LRRC74B: variants seen among roughly 807,000 people sequenced by gnomAD.
LRRC74B encodes the protein leucine-rich repeat-containing protein 74B.
In LRRC74B, 30 loss-of-function variants were observed where a neutral mutation model predicts 16.6. The ratio of observed to expected loss-of-function variants is 1.80; its 90% CI spans 1.35 to 2.45. LRRC74B has a LOEUF of 2.45. Ranked by LOEUF, LRRC74B falls within the 30% of genes most tolerant of loss-of-function variation. The pLI is 0.00. For synonymous variants in LRRC74B, 134 were observed against 86.0 expected, an observed-to-expected ratio of 1.56 and a Z score of -3.09; for missense variants, 326 against 202.4, an observed-to-expected ratio of 1.61 and a Z score of -3.71.
intron 7 of LRRC74B, chr22:21,056,525 G>A (rs965952254): frequency 2.7e-5 from 4 of 149,736 alleles, no homozygotes; most frequent in African/African-American, 9.9e-5. Flanking sequence ...AAGTAACATA[G>A]CATGTCATGG....
At chr22:21,051,228 G>A (rs909165018) in intron 4 of LRRC74B, among the ~76,000 whole-genome samples, 8 of 152,190 alleles carry the variant, frequency 5.3e-5, no homozygotes, top group African/African-American at 1.7e-4. Flanking sequence ...GTACTGTGAT[G>A]TGCAGCTGGT....
chr22:21,055,106 G>A (rs1238275358), exon 7 of LRRC74B: 2 of 717,176 alleles, frequency 2.8e-6, no homozygotes, highest in Admixed American at 2.0e-5. Context: ...AGTAACAACC[G>A]CATCTCTGCG....
chr22:21,060,581 A>C, downstream of LRRC74B: 1 of 670,436 alleles, frequency 1.5e-6, no homozygotes. Flanking sequence ...CTCCAGGGTG[A>C]GGAGCTCTTT....
At chr22:21,058,762 A>C (rs1055486741) in intron 8 of LRRC74B, among the ~76,000 whole-genome samples, 1 of 152,214 alleles carries the variant, frequency 6.6e-6, no homozygotes, top group African/African-American at 2.4e-5. Flanking sequence ...ATTCTAAAAG[A>C]AATAGAATGT....
intron 7 of LRRC74B, 119 bp downstream of exon 7, chr22:21,055,295 A>T: frequency 1.6e-6 from 1 of 629,116 alleles, no homozygotes; most frequent in Non-Finnish European, 2.9e-6. Context: ...AGGCTGGCTC[A>T]CTCCCTTGCC....
chr22:21,047,868 G>C lies in LRRC74B; in HGVS notation c.283-16G>C. ...AGCCAGGATAGTGGCCAGTGTGTTTGCTCTGTCTGTCCCAGGGCGCCCGGG... is the reference window on the plus strand; with the variant it reads ...AGCCAGGATAGTGGCCAGTGTGTTTCCTCTGTCTGTCCCAGGGCGCCCGGG... On this transcript the variant is annotated splice_polypyrimidine_tract_variant and intron_variant, in intron 2 of 8. Transcript: ENST00000442047. 1.4e-6 allele frequency: 1 copy of C among 717,034 alleles called. No homozygotes were observed. The highest frequency in any genetic ancestry group is 2.6e-6 in the Non-Finnish European group (1 of 385,014). The allele number at this position is 717,034 out of a possible 1,614,324, so 44.4% of individuals were successfully genotyped here.
downstream of LRRC74B, among the ~76,000 whole-genome samples, chr22:21,060,971 A>G (rs1377044798): frequency 6.6e-6 from 1 of 152,184 alleles, no homozygotes; most frequent in East Asian, 1.9e-4. Flanking sequence ...GCCCTTTGAT[A>G]CAATCATTTG....
chr22:21,058,708 A>G (rs1930668899), intron 8 of LRRC74B, among the ~76,000 whole-genome samples: 1 of 152,120 alleles, frequency 6.6e-6, no homozygotes. Context: ...TGCCTTAACC[A>G]TGTGCCTGCT....
chr22:21,058,052 A>AT (rs538672719), intron 8 of LRRC74B, among the ~76,000 whole-genome samples: 13,574 of 133,994 alleles, frequency 0.1, 698 homozygotes, highest in African/African-American at 0.12. Flanking sequence ...CGCCCGGCTG[A>AT]TTTTTTTTTT....
At chr22:21,047,862 G>A (rs766211935) in intron 2 of LRRC74B, 22 bp from the exon 3 acceptor site, 33 of 716,798 alleles carry the variant, frequency 4.6e-5, no homozygotes, top group Non-Finnish European at 8.3e-5. Flanking sequence ...AGTGGCCAGT[G>A]TGTTTGCTCT....
chr22:21,049,972 G>A (rs1170920326), intron 4 of LRRC74B, among the ~76,000 whole-genome samples: 1 of 152,184 alleles, frequency 6.6e-6, no homozygotes, highest in Non-Finnish European at 1.5e-5. Flanking sequence ...TGGACCTGCT[G>A]AACCAAACTC....
At position 21,055,568 on chromosome 22, in the gene LRRC74B, C is replaced by T. The variant is rs1051674828; in HGVS notation, c.927+392C>T. 9.2e-5 allele frequency among the ~76,000 whole-genome samples: 14 copies of T among 152,268 alleles called. No homozygotes were observed. The South Asian group carries it at 1.0e-3, about 11-fold the overall frequency. ...GTGTTCCCAGCTGGGGTTCCTTCCC[C>T]TGGGTTTGCAGGTGGGGAGGGAGTG... On this transcript the variant is annotated intron_variant, in intron 7 of 8. Transcript: ENST00000442047.
At chr22:21,048,305 A>G (rs574318675) in intron 3 of LRRC74B, 2 of 418,740 alleles carry the variant, frequency 4.8e-6, no homozygotes, top group South Asian at 2.4e-5. Flanking sequence ...CAGTACCTGA[A>G]TGCAGGATGG....
exon 7 of LRRC74B, chr22:21,055,147 C>T (rs928901719): frequency 3.8e-5 from 27 of 717,018 alleles, no homozygotes; most frequent in Non-Finnish European, 5.5e-5. Context: ...CCTGGGCCTC[C>T]GGGTCAACCA....
chr22:21,058,859 T>C (rs139833925), intron 8 of LRRC74B, among the ~76,000 whole-genome samples: 54 of 152,380 alleles, frequency 3.5e-4, no homozygotes, highest in East Asian at 2.3e-3. Context: ...GGGAATGCCA[T>C]GGGCTTTGGA....
At chr22:21,061,471 G>A (rs908619216), downstream of LRRC74B, among the ~76,000 whole-genome samples, 1 of 152,212 alleles carries the variant, frequency 6.6e-6, no homozygotes, top group South Asian at 2.1e-4. Context: ...AAATACACAT[G>A]ATTAATGTTC....
chr22:21,050,707 G>A (rs1338254291), intron 4 of LRRC74B, among the ~76,000 whole-genome samples: 1 of 151,028 alleles, frequency 6.6e-6, no homozygotes, highest in East Asian at 2.0e-4. Context: ...GAACCCAGGA[G>A]GCGGAGCTTG....
intron 4 of LRRC74B, among the ~76,000 whole-genome samples, chr22:21,051,622 C>G (rs1930056133): frequency 6.6e-6 from 1 of 152,194 alleles, no homozygotes; most frequent in African/African-American, 2.4e-5. Context: ...ACACCTGCCA[C>G]TTGCTGAAAT....
At chr22:21,053,504 A>T (rs1482024761) in intron 6 of LRRC74B, 29 bp downstream of exon 6, 1 of 712,442 alleles carries the variant, frequency 1.4e-6, no homozygotes, top group Non-Finnish European at 2.6e-6. Context: ...ACACCCCAGG[A>T]ATCATGGGCT....
Sources: allele counts gnomAD v4.1 joint callset (sites outside exome capture counted in the v4.1 genomes callset), GRCh38; gene constraint gnomAD v4.1.1; transcripts MANE v1.5; gene names NCBI Gene and HGNC (gene_info 2026-07-23, HGNC 2026-07-21).